Variants in CRPPA observed in about 807,000 individuals in gnomAD.
CRPPA encodes CDP-L-ribitol pyrophosphorylase A.
A neutral mutation model predicts 52.0 loss-of-function variants in CRPPA; 43 were observed. The observed-to-expected ratio is 0.83, with a 90% CI of 0.65 to 1.07. The LOEUF is 1.07. CRPPA is among the 50% of genes least tolerant of loss of function. The pLI, the probability that CRPPA is intolerant of heterozygous loss-of-function variation, is 0.00. For synonymous variants in CRPPA, 250 were observed against 203.5 expected, an observed-to-expected ratio of 1.23 and a Z score of -1.94; for missense variants, 629 against 551.7, an observed-to-expected ratio of 1.14 and a Z score of -1.40.
intron 3 of CRPPA, among the ~76,000 whole-genome samples, chr7:16,316,402 G>T (rs1027469337): frequency 6.6e-6 from 1 of 152,046 alleles, no homozygotes; most frequent in Non-Finnish European, 1.5e-5. Flanking sequence ...GTCATGTTAT[G>T]TAATGTTTAA....
chr7:16,159,743 C>G (rs1179234187), intron 9 of CRPPA, among the ~76,000 whole-genome samples: 1 of 152,168 alleles, frequency 6.6e-6, no homozygotes, highest in South Asian at 2.1e-4. Flanking sequence ...ATTGCTGGGT[C>G]AAATGCTATT....
chr7:16,133,811 C>A lies in CRPPA; in HGVS notation c.1252-42012G>T, dbSNP rs1340082467. Among the ~76,000 whole-genome samples, 2 of 124,688 alleles carry A rather than the reference C, an allele frequency of 1.6e-5. 1 individual carries two copies. The highest frequency in any genetic ancestry group is 3.6e-5 in the Non-Finnish European group (2 of 54,824). 81.8% of individuals were successfully genotyped at this position (124,688 alleles called of 152,430 possible). On this transcript the variant is annotated intron_variant, in intron 9 of 9. Transcript: ENST00000407010. ...AGATTTAGGTCTGCAGCTGAGGATG[C>A]CTTCCATTTCAGAGGATTCATCTTG...
intron 8 of CRPPA, among the ~76,000 whole-genome samples, chr7:16,256,481 C>T (rs937732295): frequency 2.6e-5 from 4 of 152,174 alleles, no homozygotes; most frequent in Non-Finnish European, 5.9e-5. Flanking sequence ...TATTGCAGCT[C>T]TGTTCACAAT....
intron 2 of CRPPA, among the ~76,000 whole-genome samples, chr7:16,380,937 A>C (rs1300216424): frequency 4.0e-5 from 6 of 151,582 alleles, no homozygotes; most frequent in African/African-American, 1.5e-4. Context: ...CTTTCAAAAA[A>C]CCAGCTCCTG....
chr7:16,345,763 GT>G (rs34734265), intron 3 of CRPPA, among the ~76,000 whole-genome samples: 16,170 of 152,094 alleles, frequency 0.11, 1,090 homozygotes, highest in East Asian at 0.36. Flanking sequence ...GTCCTTTAGA[GT>G]TTTTGAAGAG....
intron 3 of CRPPA, among the ~76,000 whole-genome samples, chr7:16,339,621 C>T (rs1785771926): frequency 6.6e-6 from 1 of 152,178 alleles, no homozygotes; most frequent in Admixed American, 6.5e-5. Flanking sequence ...AGCAGTCCTG[C>T]TAAGACCAGG....
intron 9 of CRPPA, among the ~76,000 whole-genome samples, chr7:16,181,052 G>C (rs1347138593): frequency 1.3e-5 from 2 of 151,902 alleles, no homozygotes; most frequent in Non-Finnish European, 2.9e-5. Context: ...AAAAAGCCAT[G>C]ATATAAAGAT....
At chr7:16,272,411 C>T (rs1784110567) in intron 6 of CRPPA, among the ~76,000 whole-genome samples, 2 of 152,098 alleles carry the variant, frequency 1.3e-5, no homozygotes, top group African/African-American at 2.4e-5. Flanking sequence ...CAAAGGAAAA[C>T]ATTTTTTCTT....
At chr7:16,322,223 G>A (rs1157234901) in intron 3 of CRPPA, among the ~76,000 whole-genome samples, 3 of 152,158 alleles carry the variant, frequency 2.0e-5, no homozygotes, top group African/African-American at 7.2e-5. Flanking sequence ...AGGAGGCAAA[G>A]AAATAAAAGC....
At chr7:16,323,262 G>A (rs1213008499) in intron 3 of CRPPA, among the ~76,000 whole-genome samples, 1 of 152,144 alleles carries the variant, frequency 6.6e-6, no homozygotes, top group South Asian at 2.1e-4. Flanking sequence ...ATGTCAAAGG[G>A]ATATGACCTA....
At chr7:16,286,713 A>G (rs918926597) in intron 5 of CRPPA, among the ~76,000 whole-genome samples, 5 of 152,180 alleles carry the variant, frequency 3.3e-5, no homozygotes, top group African/African-American at 7.2e-5. Flanking sequence ...AACAATCATC[A>G]AGGAGACTTT....
In CRPPA at chr7:16,239,540, T is replaced by C. The variant is rs1040617711; in HGVS notation, c.1119+18850A>G. Among the ~76,000 whole-genome samples, 9 of 131,838 alleles carry C rather than the reference T, an allele frequency of 6.8e-5. No individual in the cohort carries two copies. In the East Asian group the frequency reaches 2.1e-3, roughly 31 times the overall value. The allele number at this position is 131,838 out of a possible 152,430, so 86.5% of individuals were successfully genotyped here. Reference sequence around the variant, plus strand: ...TTAAAGCTAAAGTCTATTTCCATTATTTAAATAGAAGTCAATAGCAAAAAA... The same window carrying C: ...TTAAAGCTAAAGTCTATTTCCATTACTTAAATAGAAGTCAATAGCAAAAAA... On this transcript the variant is annotated intron_variant, in intron 8 of 9. Coordinates refer to ENST00000407010, the MANE Select transcript of CRPPA (RefSeq NM_001101426.4).
chr7:16,405,648 T>C (rs1397835475), intron 2 of CRPPA, among the ~76,000 whole-genome samples: 2 of 152,174 alleles, frequency 1.3e-5, no homozygotes, highest in African/African-American at 2.4e-5. Context: ...TTAAGGTCTA[T>C]GAAAATCTTA....
chr7:16,391,494 G>C (rs866359784), intron 2 of CRPPA, among the ~76,000 whole-genome samples: 1 of 152,150 alleles, frequency 6.6e-6, no homozygotes, highest in Non-Finnish European at 1.5e-5. Context: ...ACCTGTTCAT[G>C]ATGAGTTAGA....
intron 1 of CRPPA, among the ~76,000 whole-genome samples, chr7:16,410,702 C>A (rs1280036622): frequency 6.6e-6 from 1 of 152,120 alleles, no homozygotes; most frequent in South Asian, 2.1e-4. Context: ...TCTTCCATGC[C>A]CTCTTACTCT....
intron 8 of CRPPA, among the ~76,000 whole-genome samples, chr7:16,236,657 T>C (rs1201910554): frequency 6.6e-6 from 1 of 152,154 alleles, no homozygotes; most frequent in Non-Finnish European, 1.5e-5. Flanking sequence ...CAACAGCATA[T>C]AAGCCTGGTA....
At chr7:16,291,337 C>G (rs1202905152) in intron 5 of CRPPA, among the ~76,000 whole-genome samples, 1 of 151,942 alleles carries the variant, frequency 6.6e-6, no homozygotes, top group Non-Finnish European at 1.5e-5. Flanking sequence ...CAAAATCAAC[C>G]TAAGCATCTA....
chr7:16,098,853 T>A (rs1781982984), intron 9 of CRPPA, among the ~76,000 whole-genome samples: 1 of 152,142 alleles, frequency 6.6e-6, no homozygotes, highest in South Asian at 2.1e-4. Context: ...CACCTACTGA[T>A]AGGGTGTGAG....
chr7:16,247,223 C>T (rs988285757), intron 8 of CRPPA, among the ~76,000 whole-genome samples: 26 of 152,344 alleles, frequency 1.7e-4, no homozygotes, highest in African/African-American at 5.8e-4. Flanking sequence ...AACTTCTTCA[C>T]TTTCTGCAGC....
Sources: gnomAD v4.1 joint callset for allele counts (sites outside exome capture counted in the v4.1 genomes callset) on GRCh38, gnomAD v4.1.1 for gene constraint, MANE v1.5 for transcripts, NCBI Gene and HGNC (gene_info 2026-07-23, HGNC 2026-07-21) for gene names.